The following CCDC171 variants were observed in gnomAD, a reference collection of about 807,000 sequenced individuals.
CCDC171 encodes the protein coiled-coil domain-containing protein 171.
CCDC171 carries 177 observed loss-of-function variants against 168.2 expected under a neutral mutation model. The ratio of observed to expected loss-of-function variants is 1.05; its 90% CI spans 0.93 to 1.19. The LOEUF is 1.19. Among genes scored for constraint, CCDC171 ranks in the 50% most tolerant of loss-of-function variants. CCDC171 has a pLI of 0.00. For synonymous variants in CCDC171, 687 were observed against 540.8 expected (o/e 1.27, Z -3.75); for missense variants, 1,991 against 1,539.0 (o/e 1.29, Z -4.91).
At chr9:15,918,439 A>AC (rs1187023700) in intron 24 of CCDC171, among the ~76,000 whole-genome samples, 4 of 151,348 alleles carry the variant, frequency 2.6e-5, no homozygotes, top group East Asian at 1.9e-4. Flanking sequence ...AAAAAAAAAA[A>AC]AAACCAGGAC....
the CCDC171 span, among the ~76,000 whole-genome samples, chr9:16,067,885 G>C: frequency 5.4e-4 from 83 of 152,318 alleles, no homozygotes; most frequent in East Asian, 7.3e-3. Flanking sequence ...ATAGTTTGAA[G>C]TCAGGTAGTG....
chr9:16,079,271 A>G, the CCDC171 span, among the ~76,000 whole-genome samples: 15 of 152,214 alleles, frequency 9.9e-5, no homozygotes, highest in East Asian at 1.9e-4. Flanking sequence ...AATTGTATCC[A>G]TCCCCAGCTC....
chr9:16,066,551 G>A (rs373608168), downstream of CCDC171, among the ~76,000 whole-genome samples: 67 of 149,524 alleles, frequency 4.5e-4, 2 homozygotes, highest in African/African-American at 1.4e-3. Context: ...ATGCTGGTGC[G>A]CTGCACCCAC....
intron 7 of CCDC171, among the ~76,000 whole-genome samples, chr9:15,635,907 A>G (rs1178038043): frequency 1.3e-5 from 2 of 152,188 alleles, no homozygotes; most frequent in East Asian, 3.8e-4. Flanking sequence ...TCCCACCAGC[A>G]AGGTATAAGG....
At chr9:15,839,337 C>T (rs2060577842) in intron 21 of CCDC171, among the ~76,000 whole-genome samples, 2 of 152,160 alleles carry the variant, frequency 1.3e-5, no homozygotes, top group South Asian at 2.1e-4. Context: ...TTTACATTTC[C>T]ATGGTGATTT....
intron 21 of CCDC171, among the ~76,000 whole-genome samples, chr9:15,789,922 G>A (rs1446327655): frequency 6.6e-6 from 1 of 152,022 alleles, no homozygotes; most frequent in African/African-American, 2.4e-5. Flanking sequence ...CCCTATAAAG[G>A]ACATGAACTC....
intron 3 of CCDC171, among the ~76,000 whole-genome samples, chr9:16,014,785 C>G (rs576578914): frequency 6.6e-6 from 1 of 152,156 alleles, no homozygotes; most frequent in South Asian, 2.1e-4. Flanking sequence ...CAATAGTTAT[C>G]AACAATAGGC....
chr9:15,886,314 A>C (rs1302288393), intron 24 of CCDC171: 2 of 152,162 alleles, frequency 1.3e-5, no homozygotes, highest in African/African-American at 4.8e-5. Flanking sequence ...CAAAGGACCT[A>C]AAAAGACATT....
Position 15,724,937 on chromosome 9 carries a change from A to G in CCDC171, c.1653A>G (p.Glu551=). Reference sequence around the variant, plus strand: ...CTCAGGCAGCCCAGTCTGAAAGTGAACTGCAGAAGCTTTCCCAGGCTTTCC... The same window carrying G: ...CTCAGGCAGCCCAGTCTGAAAGTGAGCTGCAGAAGCTTTCCCAGGCTTTCC... ...EKAQAAQSES[E]LQKLSQAFHK... The change falls in exon 14 of 26, where the codon GAA becomes GAG. Residue 551 remains glutamate, a synonymous_variant. Coordinates refer to ENST00000380701, the MANE Select transcript of CCDC171 (RefSeq NM_173550.4). 1 of 1,613,960 alleles carries G rather than the reference A, an allele frequency of 6.2e-7. No homozygotes were observed. Among genetic ancestry groups the G allele is most frequent in the Non-Finnish European group, 8.5e-7 (1 of 1,179,868 alleles).
intron 21 of CCDC171, among the ~76,000 whole-genome samples, chr9:15,803,912 C>T (rs546703688): frequency 1.3e-5 from 2 of 150,620 alleles, no homozygotes; most frequent in South Asian, 2.1e-4. Flanking sequence ...GAATGTCTTT[C>T]CATTTGTTTA....
At chr9:16,075,320 A>G in the CCDC171 span, among the ~76,000 whole-genome samples, 1 of 152,166 alleles carries the variant, frequency 6.6e-6, no homozygotes, top group East Asian at 1.9e-4. Context: ...TCTTGTAATT[A>G]AAATCACTAA....
chr9:15,982,657 T>C (rs1246159915), intron 3 of CCDC171, among the ~76,000 whole-genome samples: 2 of 152,150 alleles, frequency 1.3e-5, no homozygotes, highest in African/African-American at 4.8e-5. Flanking sequence ...TCTGGGCCTT[T>C]CTGTGCCTCT....
At position 15,744,556 on chromosome 9, in the gene CCDC171, C is replaced by T. The variant is rs773173608; in HGVS notation, c.2333C>T (p.Thr778Ile). The T allele has an allele frequency of 4.3e-6, 7 of 1,614,054 alleles. No individual in the cohort carries two copies. In the Admixed American group the frequency reaches 1.0e-4, roughly 23 times the overall value. Residue 778 changes from threonine to isoleucine, a missense_variant, in exon 17 of 26, where the codon ACT (threonine) becomes ATT (isoleucine). Transcript: ENST00000380701. Reference protein sequence around the residue: ...EIRTLAQALSTVEEKKQEEAK... With the variant: ...EIRTLAQALSIVEEKKQEEAK... ...AGAACTCTAGCCCAGGCTTTGTCAA[C>T]TGTAGAGGAAAAGAAGCAAGAGGAA...
chr9:15,626,745 T>A (rs2045155511), intron 7 of CCDC171, among the ~76,000 whole-genome samples: 1 of 152,234 alleles, frequency 6.6e-6, no homozygotes, highest in South Asian at 2.1e-4. Context: ...TTTGCATCAA[T>A]GTTCATCAGG....
intron 21 of CCDC171, among the ~76,000 whole-genome samples, chr9:15,800,449 A>C (rs1041972225): frequency 1.3e-5 from 2 of 152,054 alleles, no homozygotes; most frequent in African/African-American, 4.8e-5. Context: ...CCCATTTTAA[A>C]ATCAGATTAT....
downstream of CCDC171, among the ~76,000 whole-genome samples, chr9:15,975,276 A>G (rs1410373020): frequency 6.6e-6 from 1 of 152,180 alleles, no homozygotes; most frequent in African/African-American, 2.4e-5. Context: ...TACATAACCT[A>G]GGAATTAGTA....
intron 10 of CCDC171, among the ~76,000 whole-genome samples, chr9:15,681,392 T>C (rs1029461023): frequency 1.3e-5 from 2 of 152,134 alleles, no homozygotes; most frequent in Non-Finnish European, 1.5e-5. Flanking sequence ...TTTTCATCTC[T>C]CTTAAACTCA....
At chr9:15,602,632 C>CTTTTTTTTTTTTTTTTTTT (rs1050799184) in intron 6 of CCDC171, among the ~76,000 whole-genome samples, 3 of 30,996 alleles carry the variant, frequency 9.7e-5, no homozygotes, top group African/African-American at 9.7e-5. Flanking sequence ...TTTCTCATTT[C>CTTTTTTTTTTTTTTTTTTT]TTTTTTTTTT....
rs759796591 is a variant in CCDC171, at chr9:15,777,705, A to G, written c.2777A>G (p.His926Arg). ...CTGGTAATGGAATGTATACCTCTGC[A>G]CAGTAGCAGGAGTATTACATATGTA... The part of the protein sequence containing the change: ...ISLVMECIPL[H>R]SSRSITYVEK... The change falls in exon 19 of 26, where the codon CAC (histidine) becomes CGC (arginine). Residue 926 changes from histidine to arginine, a missense_variant. Coordinates refer to ENST00000380701, the MANE Select transcript of CCDC171 (RefSeq NM_173550.4). 1.2e-6 allele frequency: 2 copies of G among 1,613,672 alleles called. No individual in the cohort carries two copies. The highest frequency in any genetic ancestry group is 1.1e-5 in the South Asian group (1 of 91,050).
Sources: allele counts gnomAD v4.1 joint callset (sites outside exome capture counted in the v4.1 genomes callset), GRCh38; gene constraint gnomAD v4.1.1; transcripts MANE v1.5; gene names NCBI Gene and HGNC (gene_info 2026-07-23, HGNC 2026-07-21).